Variants in IDE observed in about 807,000 individuals in gnomAD.
The protein encoded by IDE is insulin-degrading enzyme.
Under a neutral mutation model 133.2 loss-of-function variants are expected in IDE, and 58 were observed. The ratio of observed to expected loss-of-function variants is 0.44; its 90% CI spans 0.35 to 0.54. The LOEUF is 0.54. Ranked by LOEUF, IDE falls within the 20% of genes least tolerant of loss-of-function variation. The pLI is 0.00. For missense variants in IDE, 981 were observed against 1,234.0 expected (o/e 0.79, Z 3.07); for synonymous variants, 396 against 421.3 (o/e 0.94, Z 0.73).
At chr10:92,532,515 A>C (rs1258347190) in intron 3 of IDE, among the ~76,000 whole-genome samples, 1 of 152,198 alleles carries the variant, frequency 6.6e-6, no homozygotes, top group Non-Finnish European at 1.5e-5. Flanking sequence ...AGCCATGATT[A>C]TGGGCGTTTA....
intron 4 of IDE, among the ~76,000 whole-genome samples, chr10:92,523,961 A>C (rs1849370107): frequency 6.6e-6 from 1 of 152,034 alleles, no homozygotes; most frequent in African/African-American, 2.4e-5. Flanking sequence ...TTACTATTCT[A>C]AACCTGCTTG....
intron 19 of IDE, among the ~76,000 whole-genome samples, chr10:92,466,526 A>C (rs1845696061): frequency 6.6e-6 from 1 of 151,994 alleles, no homozygotes; most frequent in African/African-American, 2.4e-5. Context: ...CATGTTGGCC[A>C]CGCTGGTCTT....
intron 23 of IDE, 41 bp downstream of exon 23, chr10:92,456,318 T>C (rs556005554): frequency 5.7e-6 from 8 of 1,394,014 alleles, no homozygotes; most frequent in South Asian, 4.6e-5. Context: ...AACCATCAGA[T>C]GGCTCAACAT....
At chr10:92,529,066 G>A (rs1849778213) in intron 4 of IDE, among the ~76,000 whole-genome samples, 1 of 151,890 alleles carries the variant, frequency 6.6e-6, no homozygotes, top group South Asian at 2.1e-4. Context: ...GACAGAGCAA[G>A]ACTGTCTCAA....
rs374191971 is a variant in IDE at position 92,474,954 on chromosome 10, C to T, written c.2003G>A (p.Arg668Gln). ...TTCAGCCCGGAAATTGTTAAGAGAT[C>T]GCATATACTAGTGAAAGAGACATGC... ...RFEIIKEAYM[R>Q]SLNNFRAEQP... is the part of the protein sequence containing the mutation. Residue 668 changes from arginine (R) to glutamine (Q), a missense_variant, in exon 17 of 25, where the codon CGA (arginine) becomes CAA (glutamine). Coordinates refer to ENST00000265986, the MANE Select transcript of IDE (RefSeq NM_004969.4). 1.1e-5 allele frequency: 18 copies of T among 1,604,796 alleles called. No homozygotes were observed. Among genetic ancestry groups the T allele is most frequent in the Non-Finnish European group, 1.4e-5 (17 of 1,176,860 alleles).
chr10:92,499,726 C>T (rs1847907477), intron 11 of IDE, among the ~76,000 whole-genome samples: 2 of 152,124 alleles, frequency 1.3e-5, no homozygotes, highest in African/African-American at 2.4e-5. Flanking sequence ...CCACTGTGCA[C>T]GGTCAATGTG....
chr10:92,541,351 T>C (rs1398909177), intron 1 of IDE: 1 of 470,700 alleles, frequency 2.1e-6, no homozygotes, highest in Admixed American at 2.4e-5. Context: ...TGATGATGAA[T>C]TCATCAACAG....
At chr10:92,534,476 C>T (rs1441386766) in intron 3 of IDE, 102 bp downstream of exon 3, 3 of 741,160 alleles carry the variant, frequency 4.0e-6, no homozygotes, top group Non-Finnish European at 6.6e-6. Flanking sequence ...GTTTAAAATA[C>T]CTTTTGTTAA....
intron 12 of IDE, among the ~76,000 whole-genome samples, chr10:92,488,061 C>T (rs530915893): frequency 5.3e-5 from 8 of 152,216 alleles, no homozygotes; most frequent in African/African-American, 1.7e-4. Context: ...TCCCAAAGTG[C>T]TGGGATTACA....
Position 92,479,329 on chromosome 10 carries a change from G to A in IDE, c.1832C>T (p.Ala611Val). 1 of 1,613,634 alleles carries A rather than the reference G, an allele frequency of 6.2e-7. No homozygotes were observed. The highest frequency in any genetic ancestry group is 8.5e-7 in the Non-Finnish European group (1 of 1,179,530). ...KDSLNEYAYA[A>V]ELAGLSYDLQ... is the part of the protein sequence containing the mutation. ...ATCATAGCTCAAGCCTGCTAGCTCT[G>A]CTGCATATGCATACTCGTTGAGTGA... is the stretch of plus-strand genomic sequence containing the variant. Residue 611 changes from alanine (A) to valine (V), a missense_variant, in exon 15 of 25, where the codon GCA (alanine) becomes GTA (valine). Transcript: ENST00000265986.
At chr10:92,565,296 G>A (rs1459578247) in intron 1 of IDE, among the ~76,000 whole-genome samples, 1 of 147,950 alleles carries the variant, frequency 6.8e-6, no homozygotes, top group Non-Finnish European at 1.5e-5. Context: ...GTGGGCACCT[G>A]TAATTGCAGC....
At chr10:92,500,770 G>A (rs7068618) in intron 11 of IDE, among the ~76,000 whole-genome samples, 20,583 of 149,468 alleles carry the variant, frequency 0.14, 1,840 homozygotes, top group African/African-American at 0.24. Flanking sequence ...TTTTTTTTCC[G>A]GAGTGTTCTG....
intron 4 of IDE, among the ~76,000 whole-genome samples, chr10:92,518,581 A>G (rs1364162053): frequency 1.3e-5 from 2 of 152,210 alleles, no homozygotes; most frequent in Non-Finnish European, 2.9e-5. Flanking sequence ...ACTCCTGGAT[A>G]TATGTATCCA....
chr10:92,512,325 T>C (rs1359179367), intron 5 of IDE, among the ~76,000 whole-genome samples: 1 of 152,174 alleles, frequency 6.6e-6, no homozygotes, highest in Non-Finnish European at 1.5e-5. Context: ...CATACCTCTA[T>C]ACTGTAAAGA....
At chr10:92,502,035 C>A (rs143325976) in intron 11 of IDE, among the ~76,000 whole-genome samples, 134 of 152,056 alleles carry the variant, frequency 8.8e-4, no homozygotes, top group African/African-American at 3.1e-3. Context: ...CCCAGCTACT[C>A]AGGAAGCTGA....
chr10:92,572,775 C>T, intron 1 of IDE: 2 of 461,624 alleles, frequency 4.3e-6, no homozygotes, highest in Non-Finnish European at 5.7e-6. Flanking sequence ...ACAAACTGCC[C>T]GCATATCTAG....
At chr10:92,573,824 G>T (rs1351329275) in intron 1 of IDE, 98 bp downstream of exon 1, 1 of 819,852 alleles carries the variant, frequency 1.2e-6, no homozygotes, top group Non-Finnish European at 1.8e-6. Flanking sequence ...GAGGGGCAGC[G>T]GTGGCGGCTT....
At chr10:92,502,904 G>A (rs1333313582) in intron 11 of IDE, among the ~76,000 whole-genome samples, 1 of 152,122 alleles carries the variant, frequency 6.6e-6, no homozygotes, top group Non-Finnish European at 1.5e-5. Context: ...CAATTCTTGA[G>A]TAATTAAGGA....
At chr10:92,490,810 T>A (rs183446438) in intron 11 of IDE, among the ~76,000 whole-genome samples, 11 of 152,274 alleles carry the variant, frequency 7.2e-5, no homozygotes, top group Admixed American at 7.2e-4. Flanking sequence ...GTCCATTATT[T>A]TTAGTATGAA....
Sources: allele counts gnomAD v4.1 joint callset (sites outside exome capture counted in the v4.1 genomes callset), GRCh38; gene constraint gnomAD v4.1.1; transcripts MANE v1.5; gene names NCBI Gene and HGNC (gene_info 2026-07-23, HGNC 2026-07-21).